Variants in EYA1 observed in about 807,000 individuals in gnomAD.
EYA1 encodes protein phosphatase EYA1.
Under a neutral mutation model 82.0 loss-of-function variants are expected in EYA1, and 16 were observed. The observed-to-expected ratio is 0.20, with a 90% CI of 0.13 to 0.30. EYA1 has a LOEUF of 0.30. Ranked by LOEUF, EYA1 falls within the 10% of genes least tolerant of loss-of-function variation. The pLI is 1.00. For missense variants in EYA1, 633 were observed against 730.7 expected (o/e 0.87, Z 1.54); for synonymous variants, 261 against 264.4 (o/e 0.99, Z 0.12).
At chr8:71,230,680 A>T (rs1023967242) in intron 12 of EYA1, among the ~76,000 whole-genome samples, 1 of 152,228 alleles carries the variant, frequency 6.6e-6, no homozygotes, top group Non-Finnish European at 1.5e-5. Flanking sequence ...CACCCAACAG[A>T]ATAGAGAAAC....
intron 2 of EYA1, among the ~76,000 whole-genome samples, chr8:71,522,707 C>G (rs976317339): frequency 6.6e-6 from 1 of 151,714 alleles, no homozygotes; most frequent in Middle Eastern, 3.2e-3. Flanking sequence ...CAGCCTTGAC[C>G]TCCAGGGCTC....
At chr8:71,536,039 G>A (rs1216043357) in intron 1 of EYA1, among the ~76,000 whole-genome samples, 1 of 152,142 alleles carries the variant, frequency 6.6e-6, no homozygotes, top group Non-Finnish European at 1.5e-5. Flanking sequence ...GCCAAATGTG[G>A]CCAAATTATA....
chr8:71,515,018 A>G (rs977298012), intron 2 of EYA1, among the ~76,000 whole-genome samples: 1 of 152,182 alleles, frequency 6.6e-6, no homozygotes, highest in Admixed American at 6.6e-5. Context: ...CCTAATAATT[A>G]GCACTAAACC....
chr8:71,360,816 A>AAT (rs1463595634), intron 1 of EYA1, among the ~76,000 whole-genome samples: 1 of 152,228 alleles, frequency 6.6e-6, no homozygotes, highest in East Asian at 1.9e-4. Flanking sequence ...ATAAAACAAA[A>AAT]ACGTTTGCCT....
chr8:71,213,922 G>A (rs1457334150), intron 16 of EYA1, among the ~76,000 whole-genome samples: 1 of 152,174 alleles, frequency 6.6e-6, no homozygotes, highest in South Asian at 2.1e-4. Context: ...TGTGCTGGGT[G>A]TTACAGCTAC....
chr8:71,459,748 C>G (rs536045321), intron 2 of EYA1, among the ~76,000 whole-genome samples: 1 of 152,174 alleles, frequency 6.6e-6, no homozygotes, highest in Non-Finnish European at 1.5e-5. Flanking sequence ...CTTTCCAACA[C>G]TGCTCTTAAT....
rs1806388510 is a variant in EYA1, at chr8:71,197,518, C to G, written c.*1822G>C. ...TGTACACAACGGTGGACACAGCACA[C>G]CTTTATACAGTAAGGCCAAGATAAA... is the stretch of plus-strand genomic sequence containing the variant. On this transcript the variant is annotated 3_prime_UTR_variant, in exon 18 of 18. Coordinates refer to ENST00000340726, the MANE Select transcript of EYA1 (RefSeq NM_000503.6). 1 of 152,476 alleles carries G rather than the reference C, an allele frequency of 6.6e-6. No homozygotes were observed. The highest frequency in any genetic ancestry group is 1.5e-5 in the Non-Finnish European group (1 of 68,028). 9.4% of individuals were successfully genotyped at this position (152,476 alleles called of 1,614,324 possible).
intron 2 of EYA1, among the ~76,000 whole-genome samples, chr8:71,482,478 G>T (rs964643226): frequency 6.6e-6 from 1 of 152,106 alleles, no homozygotes; most frequent in Non-Finnish European, 1.5e-5. Context: ...AAAGCTGTTT[G>T]GACTCTTTTC....
chr8:71,428,338 A>C (rs1230531905), intron 2 of EYA1, among the ~76,000 whole-genome samples: 1 of 152,214 alleles, frequency 6.6e-6, no homozygotes, highest in African/African-American at 2.4e-5. Flanking sequence ...GCAATGATGC[A>C]TTTTGTAAAA....
chr8:71,310,880 T>C (rs2129015104), intron 7 of EYA1, among the ~76,000 whole-genome samples: 1 of 151,972 alleles, frequency 6.6e-6, no homozygotes, highest in Non-Finnish European at 1.5e-5. Context: ...ATACTGGAGA[T>C]TAAAATATGA....
At chr8:71,237,610 C>T (rs184505195) in intron 12 of EYA1, among the ~76,000 whole-genome samples, 1 of 152,118 alleles carries the variant, frequency 6.6e-6, no homozygotes. Context: ...ACCACAAATT[C>T]CATAAACAAT....
chr8:71,308,721 A>G (rs1176388811), intron 7 of EYA1, among the ~76,000 whole-genome samples: 1 of 149,446 alleles, frequency 6.7e-6, no homozygotes, highest in Non-Finnish European at 1.5e-5. Flanking sequence ...TTTTTTAAGA[A>G]AAAAAAAAAA....
chr8:71,253,807 C>A (rs1191283138), intron 11 of EYA1, among the ~76,000 whole-genome samples: 2 of 152,126 alleles, frequency 1.3e-5, no homozygotes, highest in Non-Finnish European at 2.9e-5. Context: ...ACTCAAGACA[C>A]CTACTTGTCC....
At chr8:71,454,624 A>G (rs1465519765) in intron 2 of EYA1, among the ~76,000 whole-genome samples, 4 of 152,212 alleles carry the variant, frequency 2.6e-5, no homozygotes, top group African/African-American at 9.7e-5. Context: ...CTCACTAAAA[A>G]CCGCTCAACT....
At chr8:71,394,523 T>G (rs1362900861) in intron 2 of EYA1, among the ~76,000 whole-genome samples, 2 of 152,168 alleles carry the variant, frequency 1.3e-5, no homozygotes, top group Non-Finnish European at 2.9e-5. Context: ...TAGCCAGTTT[T>G]CCCAGCACCA....
chr8:71,232,361 G>A (rs1433251513), intron 12 of EYA1, among the ~76,000 whole-genome samples: 1 of 152,252 alleles, frequency 6.6e-6, no homozygotes, highest in Non-Finnish European at 1.5e-5. Flanking sequence ...AGGCTCCGCT[G>A]CATGCCGTGA....
At chr8:71,229,940 C>T (rs1409630884) in intron 12 of EYA1, among the ~76,000 whole-genome samples, 4 of 152,220 alleles carry the variant, frequency 2.6e-5, no homozygotes, top group Admixed American at 6.5e-5. Context: ...CCCCATACCC[C>T]GACCGTCCAC....
intron 2 of EYA1, among the ~76,000 whole-genome samples, chr8:71,483,569 AC>A: frequency 6.6e-6 from 1 of 151,432 alleles, no homozygotes; most frequent in African/African-American, 2.4e-5. Flanking sequence ...CAAAAAAAAA[AC>A]ACCACATTTT....
intron 2 of EYA1, among the ~76,000 whole-genome samples, chr8:71,491,929 G>C (rs1304921577): frequency 6.6e-6 from 1 of 151,984 alleles, no homozygotes; most frequent in African/African-American, 2.4e-5. Flanking sequence ...AACTTAAGAA[G>C]CAAAGCTGAC....
Sources: allele counts gnomAD v4.1 joint callset (sites outside exome capture counted in the v4.1 genomes callset), GRCh38; gene constraint gnomAD v4.1.1; transcripts MANE v1.5; gene names NCBI Gene and HGNC (gene_info 2026-07-23, HGNC 2026-07-21).